The following WARS2 variants were observed in gnomAD, a reference collection of about 807,000 sequenced individuals.
WARS2 encodes tryptophan--tRNA ligase, mitochondrial.
WARS2 carries 28 observed loss-of-function variants against 36.5 expected under a neutral mutation model. That is an observed-to-expected ratio of 0.77 (90% CI 0.57 to 1.05). WARS2 has a LOEUF of 1.05. Among genes scored for constraint, WARS2 ranks in the 50% least tolerant of loss-of-function variants. The probability of loss-of-function intolerance (pLI) is 0.00; values close to 1 mark genes in which losing one functional copy is unlikely to be tolerated. For missense variants in WARS2, 435 were observed against 456.8 expected (o/e 0.95, Z 0.44); for synonymous variants, 174 against 178.4 (o/e 0.98, Z 0.20).
rs187741423 is a variant in WARS2 at position 119,133,883 on chromosome 1, T to C, written c.90+6672A>G. On this transcript the variant is annotated intron_variant, in intron 1 of 5. Transcript: ENST00000235521. ...GCACAATAAAAGTTTAATCAACGAG[T>C]AAAAATTTTTGATGGCTAAATAGAG... is the stretch of plus-strand genomic sequence containing the variant. 5.1e-3 allele frequency among the ~76,000 whole-genome samples: 775 copies of C among 152,062 alleles called. 11 individuals carry two copies. The highest frequency in any genetic ancestry group is 3.8e-3 in the Non-Finnish European group (258 of 67,968).
At position 119,082,113 on chromosome 1, in the gene WARS2, T is replaced by A. The variant is rs969106295; in HGVS notation, c.91-5506A>T. 1.9e-4 allele frequency among the ~76,000 whole-genome samples: 29 copies of A among 152,110 alleles called. 1 individual carries two copies. The highest frequency in any genetic ancestry group is 2.9e-5 in the Non-Finnish European group (2 of 68,018). On this transcript the variant is annotated intron_variant, in intron 1 of 5. Coordinates refer to ENST00000235521, the MANE Select transcript of WARS2 (RefSeq NM_015836.4). ...AAATATGGAGGCCAACAATTAAAAC[T>A]GAAGGAAAAATATTTTTAAAAAGAA... is the stretch of plus-strand genomic sequence containing the variant.
chr1:119,104,626 A>G (rs1157612803), intron 1 of WARS2, among the ~76,000 whole-genome samples: 1 of 151,594 alleles, frequency 6.6e-6, no homozygotes, highest in Non-Finnish European at 1.5e-5. Context: ...GCCATGAAAA[A>G]AAAAAAAACA....
In WARS2 at chr1:119,040,221, T is replaced by C. The variant is rs571968701; in HGVS notation, c.515+2043A>G. On this transcript the variant is annotated intron_variant, in intron 4 of 5. Transcript: ENST00000235521. ...ATAGTCTTGCCCAGATGTTCCAAAG[T>C]CAACTGACTGGCTACTTAGCTTCAG... Among the ~76,000 whole-genome samples the C allele has an allele frequency of 2.0e-5, 3 of 152,326 alleles. No individual in the cohort carries two copies. In the South Asian group the frequency reaches 6.2e-4, roughly 32 times the overall value.
chr1:119,085,520 C>A lies in WARS2; in HGVS notation c.91-8913G>T. ...GTTTTTCATCTTCAGAGCTCTCAGACAAACTTGGTGAGGGGGTACGAGCCC... is the reference window on the plus strand; with the variant it reads ...GTTTTTCATCTTCAGAGCTCTCAGAAAAACTTGGTGAGGGGGTACGAGCCC... On this transcript the variant is annotated intron_variant, in intron 1 of 5. Coordinates refer to ENST00000235521, the MANE Select transcript of WARS2 (RefSeq NM_015836.4). 24 of 1,597,816 alleles carry A rather than the reference C, an allele frequency of 1.5e-5. No individual in the cohort carries two copies. In the South Asian group the frequency reaches 2.7e-4, roughly 18 times the overall value.
At chr1:119,085,863 T>C in intron 1 of WARS2, 6 of 1,610,502 alleles carry the variant, frequency 3.7e-6, no homozygotes, top group African/African-American at 1.3e-5. Context: ...GTCCTTGTAC[T>C]CGGAGTGCCA....
At chr1:119,079,531 CT>C (rs1652031613) in intron 1 of WARS2, among the ~76,000 whole-genome samples, 1 of 152,084 alleles carries the variant, frequency 6.6e-6, no homozygotes, top group South Asian at 2.1e-4. Flanking sequence ...GAACTGACAT[CT>C]TTATAATATT....
At chr1:119,058,415 G>A (rs1314910090) in intron 2 of WARS2, among the ~76,000 whole-genome samples, 7 of 136,276 alleles carry the variant, frequency 5.1e-5, no homozygotes, top group African/African-American at 2.1e-4. Flanking sequence ...CACTAAACTC[G>A]TCATCTAGCA....
At chr1:119,040,936 C>T (rs1307440454) in intron 4 of WARS2, among the ~76,000 whole-genome samples, 1 of 152,170 alleles carries the variant, frequency 6.6e-6, no homozygotes, top group African/African-American at 2.4e-5. Context: ...TCAAAAGCTA[C>T]TTATTACAAA....
At chr1:119,033,891 A>G (rs1217645815) in intron 5 of WARS2, among the ~76,000 whole-genome samples, 2 of 152,140 alleles carry the variant, frequency 1.3e-5, no homozygotes, top group Non-Finnish European at 2.9e-5. Context: ...ATCCTTTTCA[A>G]TAATCCAACA....
intron 4 of WARS2, among the ~76,000 whole-genome samples, 153 bp downstream of exon 4, chr1:119,042,111 T>C (rs1206178284): frequency 6.6e-6 from 1 of 152,218 alleles, no homozygotes; most frequent in African/African-American, 2.4e-5. Flanking sequence ...ACTTCTATAA[T>C]GTAGTATTTC....
intron 2 of WARS2, among the ~76,000 whole-genome samples, chr1:119,075,626 G>A (rs956492630): frequency 6.6e-6 from 1 of 152,122 alleles, no homozygotes; most frequent in Non-Finnish European, 1.5e-5. Context: ...ACCATTCCTT[G>A]GCTGGGCTTT....
chr1:119,065,678 C>T (rs920293487), intron 2 of WARS2, among the ~76,000 whole-genome samples: 2 of 147,078 alleles, frequency 1.4e-5, no homozygotes, highest in Non-Finnish European at 3.0e-5. Flanking sequence ...GATACAATAA[C>T]AGCCTCACAA....
At chr1:119,094,320 G>C (rs1242304158) in intron 1 of WARS2, among the ~76,000 whole-genome samples, 1 of 152,042 alleles carries the variant, frequency 6.6e-6, no homozygotes, top group East Asian at 1.9e-4. Flanking sequence ...GAAGCAGTAT[G>C]GATGGCATGC....
At chr1:119,067,389 C>G (rs971942890) in intron 2 of WARS2, among the ~76,000 whole-genome samples, 4 of 152,136 alleles carry the variant, frequency 2.6e-5, no homozygotes, top group Non-Finnish European at 5.9e-5. Context: ...TCACATGAAG[C>G]AAGTATGCCA....
chr1:119,062,047 T>C (rs914697398), intron 2 of WARS2, among the ~76,000 whole-genome samples: 1 of 152,162 alleles, frequency 6.6e-6, no homozygotes, highest in Non-Finnish European at 1.5e-5. Context: ...AATGTAAAAA[T>C]AGATATTGGC....
At chr1:119,139,740 C>A (rs1168322783) in intron 1 of WARS2, 1 of 152,180 alleles carries the variant, frequency 6.6e-6, no homozygotes, top group Non-Finnish European at 1.5e-5. Context: ...CTCTAGTTCC[C>A]AGAATATATC....
chr1:119,058,878 C>T (rs1222794051), intron 2 of WARS2, among the ~76,000 whole-genome samples: 8 of 149,128 alleles, frequency 5.4e-5, no homozygotes, highest in Non-Finnish European at 1.2e-4. Flanking sequence ...CCTGAGGAAT[C>T]GCCACACTGA....
chr1:119,119,698 T>A (rs932884451), intron 1 of WARS2, among the ~76,000 whole-genome samples: 9 of 152,058 alleles, frequency 5.9e-5, no homozygotes, highest in Admixed American at 5.2e-4. Context: ...GAATTGAAAT[T>A]ATATCAAGTA....
At chr1:119,047,227 C>T (rs1028289395) in intron 2 of WARS2, among the ~76,000 whole-genome samples, 2 of 152,136 alleles carry the variant, frequency 1.3e-5, no homozygotes, top group African/African-American at 4.8e-5. Context: ...AAAATACATT[C>T]CCATTAGAAG....
Sources: gnomAD v4.1 joint callset for allele counts (sites outside exome capture counted in the v4.1 genomes callset) on GRCh38, gnomAD v4.1.1 for gene constraint, MANE v1.5 for transcripts, NCBI Gene and HGNC (gene_info 2026-07-23, HGNC 2026-07-21) for gene names.